Variants in PIR observed in about 807,000 individuals in gnomAD.
The protein encoded by PIR is pirin (iron-binding nuclear protein).
Under a neutral mutation model 24.2 loss-of-function variants are expected in PIR, and 22 were observed. That is an observed-to-expected ratio of 0.91 (90% CI 0.65 to 1.30). PIR has a LOEUF of 1.30. PIR is among the 50% of genes most tolerant of loss of function. The probability of loss-of-function intolerance (pLI) is 0.00; values close to 1 mark genes in which losing one functional copy is unlikely to be tolerated. For missense variants in PIR, 220 were observed against 220.3 expected (o/e 1.00, Z 0.01); for synonymous variants, 80 against 79.6 (o/e 1.00, Z -0.03).
At chrX:15,397,049 A>C (rs1250705320) in intron 8 of PIR, among the ~76,000 whole-genome samples, 2 of 112,449 alleles carry the variant, frequency 1.8e-5, no homozygotes, top group South Asian at 3.7e-4. Flanking sequence ...CAAGGTGGGG[A>C]TTCTTTTCAA....
chrX:15,456,573 G>A (rs1302269764), intron 4 of PIR, among the ~76,000 whole-genome samples: 10 of 112,461 alleles, frequency 8.9e-5, no homozygotes, highest in South Asian at 3.7e-4. Context: ...ACCATTGACT[G>A]TGGGCCATCC....
chrX:15,449,563 A>G (rs1331167910), intron 5 of PIR, among the ~76,000 whole-genome samples: 1 of 111,958 alleles, frequency 8.9e-6, no homozygotes, highest in Non-Finnish European at 1.9e-5. Flanking sequence ...AAAATCTTGG[A>G]CTCCTAAAAT....
intron 8 of PIR, among the ~76,000 whole-genome samples, chrX:15,393,363 C>T (rs967229219): frequency 3.6e-5 from 4 of 112,179 alleles, no homozygotes; most frequent in South Asian, 3.7e-4. Context: ...ATGTTGATAA[C>T]TTCTAAACTA....
rs1925634594 is a variant in PIR at position 15,433,961 on chromosome X, AAGGAGGAGGAGGAAGGAGAAAGC to A, written c.481-7994_481-7972del. Among the ~76,000 whole-genome samples the A allele has an allele frequency of 9.0e-5, 5 of 55,682 alleles. 2 individuals are homozygous for A. The highest frequency in any genetic ancestry group is 1.7e-3 in the South Asian group (1 of 598). The allele number at this position is 55,682 out of a possible 115,157, so 48.4% of individuals were successfully genotyped here. ...AGAAGGAGGAGGAGGAAGGAGAAAGAAGGAGGAGGAGGAAGGAGAAAGCAGGAGGAGGAGGAAGGAGAAAGAAG... is the reference window on the plus strand; with the variant it reads ...AGAAGGAGGAGGAGGAAGGAGAAAGAAGGAGGAGGAGGAAGGAGAAAGAAG... On this transcript the variant is annotated intron_variant, in intron 5 of 9. Transcript: ENST00000380420.
chrX:15,397,758 T>A (rs1346889514), intron 7 of PIR, among the ~76,000 whole-genome samples: 1 of 112,328 alleles, frequency 8.9e-6, no homozygotes, highest in South Asian at 3.7e-4. Flanking sequence ...CTGCGTGTGT[T>A]TCCATTTACA....
chrX:15,472,757 A>G (rs187526212), intron 3 of PIR, among the ~76,000 whole-genome samples: 2 of 112,456 alleles, frequency 1.8e-5, no homozygotes, highest in African/African-American at 3.2e-5. Flanking sequence ...GTGTAATCCT[A>G]TAAGTACATA....
intron 8 of PIR, among the ~76,000 whole-genome samples, chrX:15,393,546 G>A (rs1257647560): frequency 1.8e-5 from 2 of 110,683 alleles, no homozygotes; most frequent in Non-Finnish European, 3.8e-5. Flanking sequence ...AGGTAGTGAA[G>A]CTTCATCTGT....
intron 2 of PIR, among the ~76,000 whole-genome samples, chrX:15,485,688 T>G (rs1922770920): frequency 8.9e-6 from 1 of 112,091 alleles, no homozygotes; most frequent in South Asian, 3.7e-4. Flanking sequence ...TGGTGATATG[T>G]GTAAGACACA....
At position 15,388,888 on chromosome X, in the gene PIR, C is replaced by T. The variant is rs142269326; in HGVS notation, c.760+1297G>A. On this transcript the variant is annotated intron_variant, in intron 9 of 9. Transcript: ENST00000380420. ...TAAAAAATAAAAACAAAATGCTTTG[C>T]TTCTCAGTAACTGAACTTTCAAGGG... Among the ~76,000 whole-genome samples the T allele has an allele frequency of 2.6e-3, 293 of 112,110 alleles. 1 individual carries two copies. The highest frequency in any genetic ancestry group is 8.4e-3 in the African/African-American group (258 of 30,895).
At position 15,390,213 on chromosome X, in the gene PIR, C is replaced by T; in HGVS notation, c.732G>A (p.Glu244=). 8.6e-7 allele frequency: 1 copy of T among 1,157,601 alleles called. No individual in the cohort carries two copies. ...KRSHFVLIAG[E]PLREPVIQHG... ...GTTGGATAACTGGTTCTCTTAATGG[C>T]TCCCCAGCAATTAAGACAAAGTGGC... The change falls in exon 9 of 10, where the codon GAG becomes GAA. Residue 244 remains glutamate, a synonymous_variant. Coordinates refer to ENST00000380420, the MANE Select transcript of PIR (RefSeq NM_001018109.3).
At chrX:15,448,149 G>T (rs1926171654) in intron 5 of PIR, among the ~76,000 whole-genome samples, 1 of 112,230 alleles carries the variant, frequency 8.9e-6, no homozygotes, top group African/African-American at 3.2e-5. Flanking sequence ...TGAGTGGGCT[G>T]CCCTGGGCAA....
At chrX:15,478,338 T>G (rs1330578987) in intron 3 of PIR, 2 of 112,063 alleles carry the variant, frequency 1.8e-5, no homozygotes, top group Non-Finnish European at 3.8e-5. Flanking sequence ...AGAAAGTGCA[T>G]CCTCTTGGGA....
chrX:15,486,291 T>G (rs1922810025), intron 2 of PIR, among the ~76,000 whole-genome samples: 1 of 13,050 alleles, frequency 7.7e-5, no homozygotes, highest in Non-Finnish European at 1.2e-4. Context: ...AGAGTGAGAC[T>G]CTGTCTCAAA....
chrX:15,416,753 G>A (rs1450851426), intron 6 of PIR, among the ~76,000 whole-genome samples: 1 of 110,022 alleles, frequency 9.1e-6, no homozygotes, highest in African/African-American at 3.3e-5. Flanking sequence ...TTCTGATGAA[G>A]TCAGAGGCCA....
intron 3 of PIR, among the ~76,000 whole-genome samples, chrX:15,464,008 G>C (rs765140811): frequency 8.9e-6 from 1 of 112,423 alleles, no homozygotes; most frequent in Non-Finnish European, 1.9e-5. Context: ...CTGGATGATA[G>C]GTTAATAAGT....
At chrX:15,409,272 TA>T (rs1255509181) in intron 6 of PIR, among the ~76,000 whole-genome samples, 2 of 40,645 alleles carry the variant, frequency 4.9e-5, no homozygotes, top group African/African-American at 2.9e-4. Flanking sequence ...CTAATTTTTG[TA>T]TTTTTAGTAG....
chrX:15,393,632 C>A (rs188618750), intron 8 of PIR, among the ~76,000 whole-genome samples: 22 of 110,695 alleles, frequency 2.0e-4, no homozygotes, highest in Non-Finnish European at 3.8e-5. Context: ...GTGCTGGATT[C>A]TCATAGGAGC....
intron 8 of PIR, among the ~76,000 whole-genome samples, chrX:15,391,039 G>A (rs922274804): frequency 2.7e-5 from 3 of 111,481 alleles, no homozygotes; most frequent in African/African-American, 6.5e-5. Flanking sequence ...TTTCACTGTC[G>A]TAGCACTATT....
rs61196732 is a variant in PIR, at chrX:15,408,743, G to A, written c.566-1193C>T. 1.3e-3 allele frequency among the ~76,000 whole-genome samples: 140 copies of A among 111,978 alleles called. 2 individuals are homozygous for A. Among genetic ancestry groups the A allele is most frequent in the African/African-American group, 4.3e-3 (131 of 30,820 alleles). ...GAATGCAGGGCACAGTTCAATGCTG[G>A]AAGGACAGAGCCCACACTGGAGTCT... On this transcript the variant is annotated intron_variant, in intron 6 of 9. Coordinates refer to ENST00000380420, the MANE Select transcript of PIR (RefSeq NM_001018109.3).
Sources: gnomAD v4.1 joint callset for allele counts (sites outside exome capture counted in the v4.1 genomes callset) on GRCh38, gnomAD v4.1.1 for gene constraint, MANE v1.5 for transcripts, NCBI Gene and HGNC (gene_info 2026-07-23, HGNC 2026-07-21) for gene names.